The following FOXP1 variants were observed in gnomAD, a reference collection of about 807,000 sequenced individuals.
The protein encoded by FOXP1 is forkhead box P1, also known as forkhead box protein P1.
FOXP1 carries 15 observed loss-of-function variants against 98.2 expected under a neutral mutation model. The observed-to-expected ratio is 0.15, with a 90% CI of 0.10 to 0.24. FOXP1 has a LOEUF of 0.24. Ranked by LOEUF, FOXP1 falls within the 10% of genes least tolerant of loss-of-function variation. FOXP1 has a pLI of 1.00. For missense variants in FOXP1, 633 were observed against 848.5 expected, an observed-to-expected ratio of 0.75 and a Z score of 3.15; for synonymous variants, 371 against 314.5, an observed-to-expected ratio of 1.18 and a Z score of -1.90.
rs377181826 is a variant in FOXP1, at chr3:70,963,000, T to C, written c.1889+2890A>G. Among the ~76,000 whole-genome samples, 31 of 152,374 alleles carry C rather than the reference T, an allele frequency of 2.0e-4. 1 individual carries two copies. The highest frequency in any genetic ancestry group is 7.2e-4 in the African/African-American group (30 of 41,586). Reference sequence around the variant, plus strand: ...TTGATCATTACACATTGTATACATGTATCAAAATAACACATGTACCCCCAA... The same window carrying C: ...TTGATCATTACACATTGTATACATGCATCAAAATAACACATGTACCCCCAA... On this transcript the variant is annotated intron_variant, in intron 20 of 20. Coordinates refer to ENST00000649528, the MANE Select transcript of FOXP1 (RefSeq NM_001349338.3).
chr3:71,014,873 G>C (rs1458002117), intron 12 of FOXP1, among the ~76,000 whole-genome samples: 2 of 152,034 alleles, frequency 1.3e-5, no homozygotes, highest in East Asian at 3.9e-4. Flanking sequence ...CCATAATTCT[G>C]AGCAAACTAT....
At chr3:71,284,368 C>T (rs1439171204) in intron 5 of FOXP1, among the ~76,000 whole-genome samples, 4 of 152,110 alleles carry the variant, frequency 2.6e-5, no homozygotes, top group African/African-American at 4.8e-5. Context: ...AGTTCGAGAC[C>T]AGCCTGGGCA....
At position 71,534,309 on chromosome 3, in the gene FOXP1, A is replaced by G. The variant is rs150629663; in HGVS notation, c.-297-40754T>C. Among the ~76,000 whole-genome samples the G allele has an allele frequency of 3.3e-5, 5 of 152,294 alleles. No individual in the cohort carries two copies. The East Asian group carries it at 9.6e-4, about 29-fold the overall frequency. The stretch of plus-strand genomic sequence containing the variant: ...ACCTGGGGGGGTGGAGGTTGCAGTG[A>G]GTGGAGATCACGCCATTGCACTCCA... On this transcript the variant is annotated intron_variant, in intron 2 of 20. Coordinates refer to ENST00000649528, the MANE Select transcript of FOXP1 (RefSeq NM_001349338.3).
intron 3 of FOXP1, among the ~76,000 whole-genome samples, chr3:71,418,337 G>A (rs1369484095): frequency 6.6e-6 from 1 of 152,034 alleles, no homozygotes; most frequent in African/African-American, 2.4e-5. Flanking sequence ...ACCTTTACAA[G>A]GCTGTGACAG....
intron 6 of FOXP1, among the ~76,000 whole-genome samples, chr3:71,122,025 C>G (rs1427200070): frequency 1.3e-5 from 2 of 152,144 alleles, no homozygotes; most frequent in Admixed American, 1.3e-4. Flanking sequence ...TCTTTTCATA[C>G]CTCAGAATGA....
chr3:71,130,575 C>G (rs1188480015), intron 6 of FOXP1: 4 of 1,598,402 alleles, frequency 2.5e-6, no homozygotes. Context: ...TAGATGGGTT[C>G]TGGCTGTTTC....
chr3:70,955,162 T>C lies in FOXP1; in HGVS notation c.*4085A>G, dbSNP rs1404104819. The C allele has an allele frequency of 8.6e-6, 2 of 232,508 alleles. No individual in the cohort carries two copies. The highest frequency in any genetic ancestry group is 1.7e-5 in the Non-Finnish European group (2 of 117,650). 14.4% of individuals were successfully genotyped at this position (232,508 alleles called of 1,614,324 possible). ...AATAAGCACACTCTTCTTTGTGCCTTTGGAAACGGAGTTCAGCTGGAATAT... is the reference window on the plus strand; with the variant it reads ...AATAAGCACACTCTTCTTTGTGCCTCTGGAAACGGAGTTCAGCTGGAATAT... On this transcript the variant is annotated 3_prime_UTR_variant, in exon 21 of 21. Coordinates refer to ENST00000649528, the MANE Select transcript of FOXP1 (RefSeq NM_001349338.3).
chr3:71,173,776 C>T (rs2061775276), intron 6 of FOXP1, among the ~76,000 whole-genome samples: 1 of 152,154 alleles, frequency 6.6e-6, no homozygotes, highest in African/African-American at 2.4e-5. Flanking sequence ...AAGTCTAAGC[C>T]TCTTTCCAAC....
chr3:70,962,187 T>C (rs920890923), intron 20 of FOXP1, among the ~76,000 whole-genome samples: 47 of 152,252 alleles, frequency 3.1e-4, no homozygotes, highest in African/African-American at 9.9e-4. Flanking sequence ...CAATTTATAA[T>C]GTTTATGGCT....
rs2063970018 is a variant in FOXP1, at chr3:71,205,519, A to G, written c.-11-7127T>C. ...TCAAAAGCATGTTTTAAAAAAAAAC[A>G]AAACCAAAACAAATGTGGCCACTCA... On this transcript the variant is annotated intron_variant, in intron 5 of 20. Coordinates refer to ENST00000649528, the MANE Select transcript of FOXP1 (RefSeq NM_001349338.3). Among the ~76,000 whole-genome samples, 2 of 152,232 alleles carry G rather than the reference A, an allele frequency of 1.3e-5. 1 individual carries two copies. Among genetic ancestry groups the G allele is most frequent in the South Asian group, 4.1e-4 (2 of 4,836 alleles).
intron 9 of FOXP1, among the ~76,000 whole-genome samples, chr3:71,048,926 T>C (rs2049428352): frequency 6.6e-6 from 1 of 152,094 alleles, no homozygotes; most frequent in Non-Finnish European, 1.5e-5. Flanking sequence ...TGGCCATCCC[T>C]AGGAAAAAGC....
rs546120006 is a variant in FOXP1, at chr3:71,512,822, CCT to C, written c.-297-19269_-297-19268del. On this transcript the variant is annotated intron_variant, in intron 2 of 20. Transcript: ENST00000649528. ...TGAGGGAGGAAAGACCATCTCCACC[CCT>C]GTGTTTATTTCAGACTTTCTGTGAC... Among the ~76,000 whole-genome samples, 24 of 152,308 alleles carry C rather than the reference CCT, an allele frequency of 1.6e-4. No homozygotes were observed. In the East Asian group the frequency reaches 3.9e-3, roughly 24 times the overall value.
At chr3:71,361,882 A>T (rs1458864361) in intron 3 of FOXP1, among the ~76,000 whole-genome samples, 1 of 152,366 alleles carries the variant, frequency 6.6e-6, no homozygotes, top group African/African-American at 2.4e-5. Flanking sequence ...TTGAACTCTA[A>T]TATAACAAAG....
At chr3:71,531,665 T>C (rs554281649) in intron 2 of FOXP1, among the ~76,000 whole-genome samples, 3 of 152,290 alleles carry the variant, frequency 2.0e-5, no homozygotes, top group Admixed American at 6.5e-5. Flanking sequence ...AGTGTGATCA[T>C]TTAGGAGAGG....
At chr3:71,240,981 C>T (rs906244043) in intron 5 of FOXP1, among the ~76,000 whole-genome samples, 2 of 151,456 alleles carry the variant, frequency 1.3e-5, no homozygotes, top group Non-Finnish European at 2.9e-5. Flanking sequence ...GAGGCTTAGG[C>T]GGGCGGATCA....
At chr3:71,005,341 A>AAG (rs869118655) in intron 12 of FOXP1, among the ~76,000 whole-genome samples, 2 of 147,170 alleles carry the variant, frequency 1.4e-5, no homozygotes, top group Non-Finnish European at 3.0e-5. Flanking sequence ...AAAAAAAAAA[A>AAG]CCAGAATCAT....
intron 6 of FOXP1, among the ~76,000 whole-genome samples, chr3:71,118,480 G>A (rs1385721234): frequency 6.6e-6 from 1 of 152,182 alleles, no homozygotes; most frequent in African/African-American, 2.4e-5. Flanking sequence ...AATATGGTTT[G>A]AACAGGCATG....
intron 5 of FOXP1, among the ~76,000 whole-genome samples, chr3:71,199,763 G>A (rs1048665644): frequency 6.6e-6 from 1 of 150,492 alleles, no homozygotes; most frequent in African/African-American, 2.4e-5. Flanking sequence ...AAAAAATAGG[G>A]TGCAAAATGA....
chr3:71,572,998 G>A (rs532034449), intron 2 of FOXP1, among the ~76,000 whole-genome samples: 2 of 152,072 alleles, frequency 1.3e-5, no homozygotes, highest in African/African-American at 4.8e-5. Context: ...TCAGTAATTC[G>A]GACACTGGTT....
Sources: gnomAD v4.1 joint callset for allele counts (sites outside exome capture counted in the v4.1 genomes callset) on GRCh38, gnomAD v4.1.1 for gene constraint, MANE v1.5 for transcripts, NCBI Gene and HGNC (gene_info 2026-07-23, HGNC 2026-07-21) for gene names.